The following IDE variants were observed in gnomAD, a reference collection of about 807,000 sequenced individuals.
IDE encodes insulin degrading enzyme, also known as insulin-degrading enzyme.
In IDE, 58 loss-of-function variants were observed where a neutral mutation model predicts 133.2. The observed-to-expected ratio is 0.44, with a 90% confidence interval of 0.35 to 0.54. IDE has a LOEUF of 0.54. Ranked by LOEUF, IDE falls within the 20% of genes least tolerant of loss-of-function variation. The pLI is 0.00. For synonymous variants in IDE, 396 were observed against 421.3 expected, an observed-to-expected ratio of 0.94 and a Z score of 0.73; for missense variants, 981 against 1,234.0, an observed-to-expected ratio of 0.79 and a Z score of 3.07.
intron 5 of IDE, among the ~76,000 whole-genome samples, chr10:92,513,490 G>A: frequency 6.6e-6 from 1 of 152,172 alleles, no homozygotes; most frequent in East Asian, 1.9e-4. Context: ...ACTGTGCCTG[G>A]ACCCTATTAG....
chr10:92,488,176 C>G (rs1215097014), intron 12 of IDE, among the ~76,000 whole-genome samples: 1 of 152,162 alleles, frequency 6.6e-6, no homozygotes, highest in Non-Finnish European at 1.5e-5. Flanking sequence ...GTGATCTCCA[C>G]TCACTGCATC....
At chr10:92,542,785 G>A (rs574844936) in intron 1 of IDE, among the ~76,000 whole-genome samples, 4 of 152,236 alleles carry the variant, frequency 2.6e-5, no homozygotes, top group Non-Finnish European at 5.9e-5. Flanking sequence ...AAGAAGCGTG[G>A]TGCTAATGAA....
At chr10:92,568,864 G>A (rs1184471649) in intron 1 of IDE, among the ~76,000 whole-genome samples, 1 of 151,884 alleles carries the variant, frequency 6.6e-6, no homozygotes, top group East Asian at 1.9e-4. Context: ...TACAGGGGAG[G>A]AGCAGAGTTA....
intron 1 of IDE, among the ~76,000 whole-genome samples, chr10:92,560,778 G>A (rs1348253752): frequency 4.7e-5 from 7 of 149,198 alleles, no homozygotes; most frequent in Admixed American, 2.0e-4. Flanking sequence ...GCGAGACTCC[G>A]TCTCAAAAAA....
At chr10:92,512,330 TA>T (rs1435307897) in intron 5 of IDE, among the ~76,000 whole-genome samples, 1 of 152,170 alleles carries the variant, frequency 6.6e-6, no homozygotes, top group Non-Finnish European at 1.5e-5. Flanking sequence ...CTCTATACTG[TA>T]AAGACATCTC....
In IDE at chr10:92,479,327, C is replaced by G. The variant is rs746151312; in HGVS notation, c.1834G>C (p.Glu612Gln). Reference protein sequence around the residue: ...DSLNEYAYAAELAGLSYDLQN... With the variant: ...DSLNEYAYAAQLAGLSYDLQN... ...AGATCATAGCTCAAGCCTGCTAGCT[C>G]TGCTGCATATGCATACTCGTTGAGT... The change falls in exon 15 of 25, where the codon GAG (glutamate) becomes CAG (glutamine). Residue 612 changes from glutamate (E) to glutamine (Q), a missense_variant. Glu to Gln is a conservative substitution (Grantham distance 29). Transcript: ENST00000265986. The G allele has an allele frequency of 6.2e-7, 1 of 1,613,718 alleles. No individual in the cohort carries two copies. The highest frequency in any genetic ancestry group is 1.1e-5 in the South Asian group (1 of 91,064).
Position 92,464,045 on chromosome 10 carries a change from G to A in IDE, c.2489-42C>T, listed in dbSNP as rs773845188. 6 of 1,571,224 alleles carry A rather than the reference G, an allele frequency of 3.8e-6. No homozygotes were observed. In the South Asian group the frequency reaches 7.0e-5, roughly 18 times the overall value. On this transcript the variant is annotated intron_variant, in intron 20 of 24. Transcript: ENST00000265986. Reference sequence around the variant, plus strand: ...AGCCAGTCATGACCGTGGCATTTGAGACCTGGGTCATTTTTAATCCTTCAA... The same window carrying A: ...AGCCAGTCATGACCGTGGCATTTGAAACCTGGGTCATTTTTAATCCTTCAA...
chr10:92,538,779 A>C (rs11187059), intron 1 of IDE, among the ~76,000 whole-genome samples: 14,991 of 62,062 alleles, frequency 0.24, 820 homozygotes, highest in East Asian at 0.35. Flanking sequence ...CTTAATAGAC[A>C]AAAAAAAAAA....
intron 1 of IDE, among the ~76,000 whole-genome samples, chr10:92,546,528 A>T (rs1488344430): frequency 2.0e-5 from 3 of 152,220 alleles, no homozygotes; most frequent in Non-Finnish European, 4.4e-5. Flanking sequence ...CATACCAAAG[A>T]GGTGCTAAAC....
intron 5 of IDE, among the ~76,000 whole-genome samples, chr10:92,510,782 A>G (rs938933299): frequency 4.8e-5 from 2 of 42,058 alleles, no homozygotes; most frequent in African/African-American, 1.5e-4. Context: ...TAGCACATAC[A>G]TCTCACATGA....
chr10:92,533,213 T>C (rs1850039019), intron 3 of IDE, among the ~76,000 whole-genome samples: 1 of 152,190 alleles, frequency 6.6e-6, no homozygotes, highest in Non-Finnish European at 1.5e-5. Flanking sequence ...TCCCCCATCA[T>C]ACAGAGATCT....
chr10:92,503,122 G>A (rs1406081885), intron 11 of IDE, among the ~76,000 whole-genome samples: 2 of 152,030 alleles, frequency 1.3e-5, no homozygotes, highest in Non-Finnish European at 2.9e-5. Flanking sequence ...TCTAGGCTCA[G>A]TAAGAAAAAA....
chr10:92,477,055 C>T (rs1173541452), intron 15 of IDE, among the ~76,000 whole-genome samples: 1 of 151,488 alleles, frequency 6.6e-6, no homozygotes, highest in Non-Finnish European at 1.5e-5. Context: ...ATTCTAACCA[C>T]TTGCTTATTT....
intron 21 of IDE, among the ~76,000 whole-genome samples, chr10:92,462,875 T>A (rs1447943222): frequency 6.6e-6 from 1 of 152,036 alleles, no homozygotes; most frequent in East Asian, 1.9e-4. Flanking sequence ...GACAGTATTA[T>A]CATTAATAGT....
chr10:92,464,586 G>T (rs1238418395), intron 20 of IDE, among the ~76,000 whole-genome samples: 1 of 152,120 alleles, frequency 6.6e-6, no homozygotes, highest in Non-Finnish European at 1.5e-5. Context: ...TCCTTCAGCT[G>T]CCCTGCCCTG....
intron 13 of IDE, among the ~76,000 whole-genome samples, chr10:92,484,370 T>C (rs1258503650): frequency 6.6e-6 from 1 of 151,634 alleles, no homozygotes; most frequent in Non-Finnish European, 1.5e-5. Context: ...TGAGCCGAGA[T>C]CATGCCACTG....
rs958365544 is a variant in IDE at position 92,451,784 on chromosome 10, T to C, written c.*2660A>G. The C allele has an allele frequency of 6.6e-6, 1 of 152,186 alleles. No individual in the cohort carries two copies. Among genetic ancestry groups the C allele is most frequent in the Non-Finnish European group, 1.5e-5 (1 of 68,048 alleles). The allele number at this position is 152,186 out of a possible 1,614,324, so 9.4% of individuals were successfully genotyped here. ...CTGAGCCAACTGGCCACTATATGAG[T>C]AGAAAAATTATTTTGACAGGGATCA... On this transcript the variant is annotated 3_prime_UTR_variant, in exon 25 of 25. Transcript: ENST00000265986.
intron 4 of IDE, among the ~76,000 whole-genome samples, chr10:92,524,326 TA>T (rs1849402865): frequency 3.0e-5 from 2 of 66,236 alleles, no homozygotes; most frequent in East Asian, 4.0e-4. Flanking sequence ...TATAATATAT[TA>T]TTATATATAT....
Position 92,525,640 on chromosome 10 carries a change from C to T in IDE, c.661+6108G>A, listed in dbSNP as rs144465023. On this transcript the variant is annotated intron_variant, in intron 4 of 24. Coordinates refer to ENST00000265986, the MANE Select transcript of IDE (RefSeq NM_004969.4). Reference sequence around the variant, plus strand: ...TCTTATATTTAGAAAAACCTGAAGACTCTATCAAAAACACCTGTTAGAACT... The same window carrying T: ...TCTTATATTTAGAAAAACCTGAAGATTCTATCAAAAACACCTGTTAGAACT... Among the ~76,000 whole-genome samples the T allele has an allele frequency of 3.3e-3, 502 of 151,794 alleles. 2 individuals are homozygous for T. Among genetic ancestry groups the T allele is most frequent in the Middle Eastern group, 0.01 (3 of 292 alleles).
Sources: allele counts gnomAD v4.1 joint callset (sites outside exome capture counted in the v4.1 genomes callset), GRCh38; gene constraint gnomAD v4.1.1; transcripts MANE v1.5; gene names NCBI Gene and HGNC (gene_info 2026-07-23, HGNC 2026-07-21).